Variants in EPG5 observed in about 807,000 individuals in gnomAD.
EPG5 encodes ectopic P granules protein 5 homolog.
Under a neutral mutation model 302.7 loss-of-function variants are expected in EPG5, and 159 were observed. That is an observed-to-expected ratio of 0.53 (90% CI 0.46 to 0.60). The LOEUF (loss-of-function observed/expected upper bound fraction) is 0.60. EPG5 is among the 20% of genes least tolerant of loss of function. The pLI is 0.00. For synonymous variants in EPG5, 1,158 were observed against 1,136.8 expected (o/e 1.02, Z -0.37); for missense variants, 2,896 against 3,092.4 (o/e 0.94, Z 1.51).
At chr18:45,841,668 G>T in the EPG5 span, among the ~76,000 whole-genome samples, 1 of 152,174 alleles carries the variant, frequency 6.6e-6, no homozygotes, top group Non-Finnish European at 1.5e-5. Context: ...GGGGTTGGGA[G>T]CCTGAGCCCT....
At chr18:45,954,331 C>T in intron 2 of EPG5, 63 bp downstream of exon 2, 3 of 1,464,484 alleles carry the variant, frequency 2.0e-6, no homozygotes, top group Non-Finnish European at 2.8e-6. Context: ...AGACTCCAGA[C>T]CTGGACAACA....
chr18:45,947,975 G>A (rs891838520), intron 6 of EPG5, among the ~76,000 whole-genome samples: 2 of 151,768 alleles, frequency 1.3e-5, no homozygotes, highest in Non-Finnish European at 2.9e-5. Context: ...GAGTTTCACC[G>A]TGTTGGCCAG....
Position 45,923,900 on chromosome 18 carries a change from C to T in EPG5, c.2719-513G>A, listed in dbSNP as rs574560980. On this transcript the variant is annotated intron_variant, in intron 14 of 43. Transcript: ENST00000282041. The stretch of plus-strand genomic sequence containing the variant: ...AAAATTAGCCAAGTACGGTGGTGCA[C>T]GCCTGTAGTTCCAGCTACTTGGAAG... 3.3e-5 allele frequency among the ~76,000 whole-genome samples: 5 copies of T among 152,010 alleles called. No individual in the cohort carries two copies. The East Asian group carries it at 5.8e-4, about 18-fold the overall frequency.
the EPG5 span, among the ~76,000 whole-genome samples, chr18:45,834,222 C>A: frequency 6.6e-6 from 1 of 152,216 alleles, no homozygotes; most frequent in Non-Finnish European, 1.5e-5. Flanking sequence ...CCCCTACCCT[C>A]TCCTGTCAGC....
intron 35 of EPG5, among the ~76,000 whole-genome samples, chr18:45,871,630 C>G (rs1250432136): frequency 6.6e-6 from 1 of 152,128 alleles, no homozygotes; most frequent in South Asian, 2.1e-4. Context: ...TCATTTGCAA[C>G]AACATGAATG....
chr18:45,811,846 A>G, the EPG5 span, among the ~76,000 whole-genome samples: 2 of 152,222 alleles, frequency 1.3e-5, no homozygotes, highest in South Asian at 2.1e-4. Flanking sequence ...ATTCCCTTTG[A>G]AAACTGGCAC....
intron 9 of EPG5, 25 bp downstream of exon 9, chr18:45,943,136 A>G: frequency 1.9e-6 from 3 of 1,610,240 alleles, no homozygotes; most frequent in South Asian, 2.2e-5. Context: ...AGGAACAGAG[A>G]AGGGTAGAGC....
chr18:45,809,487 A>G, the EPG5 span, among the ~76,000 whole-genome samples: 16 of 152,326 alleles, frequency 1.1e-4, no homozygotes, highest in African/African-American at 3.8e-4. Flanking sequence ...ATGAGCCTCA[A>G]TAAAGTTAAG....
At chr18:45,906,818 C>T (rs1402959468) in intron 24 of EPG5, among the ~76,000 whole-genome samples, 1 of 152,154 alleles carries the variant, frequency 6.6e-6, no homozygotes, top group African/African-American at 2.4e-5. Context: ...CCATGCCCGG[C>T]TAATTTTTGT....
the EPG5 span, among the ~76,000 whole-genome samples, chr18:45,811,931 A>G: frequency 1.3e-5 from 2 of 152,166 alleles, no homozygotes; most frequent in African/African-American, 2.4e-5. Context: ...ATCAGGCAGG[A>G]GAAAGAAATA....
the EPG5 span, chr18:45,829,194 C>CCA: frequency 1.0e-6 from 1 of 973,570 alleles, no homozygotes; most frequent in Non-Finnish European, 1.2e-6. Context: ...GTAAGCAGGG[C>CCA]CACACCCACG....
chr18:45,876,479 G>T (rs994112206), intron 34 of EPG5, 137 bp from the exon 35 acceptor site: 7 of 612,904 alleles, frequency 1.1e-5, no homozygotes, highest in Non-Finnish European at 2.0e-5. Context: ...TACTTAAAAG[G>T]CTGTAAATAA....
chr18:45,865,061 G>C (rs2048717140), intron 39 of EPG5, among the ~76,000 whole-genome samples: 1 of 152,164 alleles, frequency 6.6e-6, no homozygotes, highest in African/African-American at 2.4e-5. Context: ...AAACTCTTCA[G>C]GGTGACAGCA....
the EPG5 span, chr18:45,839,070 C>G: frequency 2.1e-6 from 3 of 1,455,728 alleles, no homozygotes; most frequent in Non-Finnish European, 2.7e-6. Flanking sequence ...GGGTCCTGGC[C>G]GCCCGCGCTG....
the EPG5 span, among the ~76,000 whole-genome samples, chr18:45,818,642 A>G: frequency 6.6e-6 from 1 of 152,154 alleles, no homozygotes; most frequent in African/African-American, 2.4e-5. Context: ...AAAACAAAAG[A>G]AACTAGTCCT....
intron 39 of EPG5, among the ~76,000 whole-genome samples, chr18:45,862,351 T>C (rs1390271915): frequency 6.6e-6 from 1 of 152,214 alleles, no homozygotes; most frequent in Non-Finnish European, 1.5e-5. Flanking sequence ...GTTTAATGCT[T>C]ATCTTTTTAA....
At chr18:45,833,745 A>C in the EPG5 span, among the ~76,000 whole-genome samples, 2 of 152,204 alleles carry the variant, frequency 1.3e-5, no homozygotes, top group African/African-American at 2.4e-5. Flanking sequence ...TTAGTTCATA[A>C]ACTAAAATTT....
chr18:45,892,070 A>T (rs1111937), intron 27 of EPG5, among the ~76,000 whole-genome samples: 1 of 151,872 alleles, frequency 6.6e-6, no homozygotes, highest in Non-Finnish European at 1.5e-5. Flanking sequence ...GGAAAGGCAA[A>T]GGATCCAGAG....
At chr18:45,945,479 G>T (rs535013839) in intron 7 of EPG5, among the ~76,000 whole-genome samples, 93 of 152,296 alleles carry the variant, frequency 6.1e-4, no homozygotes, top group African/African-American at 2.1e-3. Context: ...TGAATTCACT[G>T]AATATTTAGG....
Sources: gnomAD v4.1 joint callset for allele counts (sites outside exome capture counted in the v4.1 genomes callset) on GRCh38, gnomAD v4.1.1 for gene constraint, MANE v1.5 for transcripts, NCBI Gene and HGNC (gene_info 2026-07-23, HGNC 2026-07-21) for gene names.